Variants in SRPK1 observed in about 807,000 individuals in gnomAD.
The protein encoded by SRPK1 is SRSF protein kinase 1.
Under a neutral mutation model 89.5 loss-of-function variants are expected in SRPK1, and 52 were observed. That is an observed-to-expected ratio of 0.58 (90% CI 0.46 to 0.73). The LOEUF is 0.73. Ranked by LOEUF, SRPK1 falls within the 30% of genes least tolerant of loss-of-function variation. The probability of loss-of-function intolerance (pLI) is 0.00; values close to 1 mark genes in which losing one functional copy is unlikely to be tolerated. For synonymous variants in SRPK1, 255 were observed against 270.2 expected (o/e 0.94, Z 0.55); for missense variants, 603 against 780.6 (o/e 0.77, Z 2.71).
intron 2 of SRPK1, among the ~76,000 whole-genome samples, chr6:35,914,451 A>G (rs1771045934): frequency 6.6e-6 from 1 of 152,114 alleles, no homozygotes; most frequent in South Asian, 2.1e-4. Flanking sequence ...ATACAAGAAC[A>G]CTCCCATTTC....
intron 15 of SRPK1, 82 bp downstream of exon 15, chr6:35,838,255 G>C (rs1769227606): frequency 1.1e-6 from 1 of 927,036 alleles, no homozygotes; most frequent in South Asian, 2.0e-5. Flanking sequence ...CCATCATTCT[G>C]TAGGACATTG....
At chr6:35,917,742 G>C (rs560086273) in intron 2 of SRPK1, among the ~76,000 whole-genome samples, 1 of 152,242 alleles carries the variant, frequency 6.6e-6, no homozygotes, top group South Asian at 2.1e-4. Context: ...AAATTACTAA[G>C]GATGCTATTT....
chr6:35,851,570 A>G (rs544735402), intron 13 of SRPK1, among the ~76,000 whole-genome samples: 2 of 152,352 alleles, frequency 1.3e-5, no homozygotes, highest in South Asian at 4.1e-4. Context: ...TAAAAGGTTC[A>G]GGTTCTAAGC....
intron 2 of SRPK1, among the ~76,000 whole-genome samples, chr6:35,915,729 T>C (rs1164574659): frequency 6.6e-6 from 1 of 151,954 alleles, no homozygotes; most frequent in Non-Finnish European, 1.5e-5. Context: ...GCCTAGCACT[T>C]TGGGAGGCCG....
At chr6:35,870,243 T>C (rs1156318625) in intron 10 of SRPK1, 38 bp downstream of exon 10, 1 of 1,553,898 alleles carries the variant, frequency 6.4e-7, no homozygotes, top group African/African-American at 1.4e-5. Context: ...AACGTTAAAG[T>C]GTGTTGTACA....
At chr6:35,884,506 G>A (rs1770362977) in intron 6 of SRPK1, among the ~76,000 whole-genome samples, 1 of 152,190 alleles carries the variant, frequency 6.6e-6, no homozygotes, top group East Asian at 1.9e-4. Context: ...AGAGTGACAT[G>A]AGCCATTACT....
Position 35,869,024 on chromosome 6 carries a change from T to G in SRPK1, c.1498A>C (p.Asn500His). The change falls in exon 12 of 16, where the codon AAT becomes CAT. Residue 500 changes from asparagine to histidine, a missense_variant. Coordinates refer to ENST00000373825, the MANE Select transcript of SRPK1 (RefSeq NM_003137.5). ...KLKVKIADLG[N>H]ACWVHKHFTE... Reference sequence around the variant, plus strand: ...GTTTAACTTACCACCCAACAAGCATTTCCAAGGTCAGCAATCTTCACCTTG... The same window carrying G: ...GTTTAACTTACCACCCAACAAGCATGTCCAAGGTCAGCAATCTTCACCTTG... The G allele has an allele frequency of 1.9e-6, 3 of 1,613,900 alleles. No individual in the cohort carries two copies. The highest frequency in any genetic ancestry group is 2.5e-6 in the Non-Finnish European group (3 of 1,179,910).
At chr6:35,883,087 G>T (rs1466504938) in intron 6 of SRPK1, among the ~76,000 whole-genome samples, 1 of 152,188 alleles carries the variant, frequency 6.6e-6, no homozygotes, top group Non-Finnish European at 1.5e-5. Flanking sequence ...GATTATAGGC[G>T]TGAGCCACTG....
chr6:35,896,960 A>T (rs981192406), intron 2 of SRPK1, among the ~76,000 whole-genome samples: 2 of 152,240 alleles, frequency 1.3e-5, no homozygotes, highest in Non-Finnish European at 2.9e-5. Context: ...CAGTTACAAA[A>T]GACCACATAA....
chr6:35,896,074 C>A (rs1175455886), intron 2 of SRPK1, among the ~76,000 whole-genome samples: 1 of 152,202 alleles, frequency 6.6e-6, no homozygotes, highest in Non-Finnish European at 1.5e-5. Context: ...GCTCCTCTAG[C>A]AAATTAATTC....
At chr6:35,895,791 ACT>A (rs1048565117) in intron 2 of SRPK1, 2 of 152,036 alleles carry the variant, frequency 1.3e-5, no homozygotes, top group African/African-American at 2.4e-5. Flanking sequence ...ATTAGGTCGT[ACT>A]CTTTTTGTCC....
chr6:35,915,161 T>C (rs965663665), intron 2 of SRPK1, among the ~76,000 whole-genome samples: 1 of 152,010 alleles, frequency 6.6e-6, no homozygotes, highest in South Asian at 2.1e-4. Context: ...CCTGGCACTT[T>C]GGGAGGCTGA....
chr6:35,872,471 A>AT, intron 8 of SRPK1, 92 bp downstream of exon 8: 4 of 1,154,802 alleles, frequency 3.5e-6, no homozygotes, highest in Non-Finnish European at 4.7e-6. Context: ...GTTGAAATGG[A>AT]TTGAGTGGTG....
chr6:35,852,786 C>A (rs189983101), intron 13 of SRPK1, among the ~76,000 whole-genome samples: 36 of 152,254 alleles, frequency 2.4e-4, no homozygotes, highest in Admixed American at 2.0e-3. Context: ...TATGGATAAA[C>A]CCCTTTGGAT....
chr6:35,885,260 A>C (rs947629437), intron 6 of SRPK1, among the ~76,000 whole-genome samples: 2 of 111,818 alleles, frequency 1.8e-5, no homozygotes, highest in African/African-American at 8.0e-5. Context: ...TAATTCTTTG[A>C]ACACACACAC....
intron 12 of SRPK1, among the ~76,000 whole-genome samples, chr6:35,859,347 A>G (rs1348717228): frequency 4.6e-5 from 7 of 152,226 alleles, no homozygotes; most frequent in African/African-American, 1.7e-4. Context: ...AAAAGCTTAT[A>G]TAACTGTCTC....
At position 35,869,100 on chromosome 6, in the gene SRPK1, C is replaced by T. The variant is rs370939509; in HGVS notation, c.1422G>A (p.Thr474=). 1.4e-5 allele frequency: 23 copies of T among 1,612,970 alleles called. No individual in the cohort carries two copies. Among genetic ancestry groups the T allele is most frequent in the South Asian group, 4.4e-5 (4 of 90,910 alleles). ...NGPLDNKGKS[T]AGNFLVNPLE... ...GGGGATTAACAAGAAAATTTCCAGC[C>T]GTGGATTTTCCTACAGACAACAGGC... The change falls in exon 12 of 16, where the codon ACG becomes ACA. Residue 474 remains threonine (T), a synonymous_variant. Coordinates refer to ENST00000373825, the MANE Select transcript of SRPK1 (RefSeq NM_003137.5).
chr6:35,867,804 A>C (rs1483216564), intron 12 of SRPK1, among the ~76,000 whole-genome samples: 2 of 152,148 alleles, frequency 1.3e-5, no homozygotes, highest in South Asian at 2.1e-4. Flanking sequence ...GTGACAGAGC[A>C]AGACTCCGTC....
chr6:35,885,978 T>C (rs941673736), intron 6 of SRPK1, among the ~76,000 whole-genome samples: 4 of 152,230 alleles, frequency 2.6e-5, no homozygotes, highest in East Asian at 3.8e-4. Context: ...CTCTTCAAAG[T>C]TGAGGCTTAG....
Sources: gnomAD v4.1 joint callset for allele counts (sites outside exome capture counted in the v4.1 genomes callset) on GRCh38, gnomAD v4.1.1 for gene constraint, MANE v1.5 for transcripts, NCBI Gene and HGNC (gene_info 2026-07-23, HGNC 2026-07-21) for gene names.